The following AP2A2 variants were observed in gnomAD, a reference collection of about 807,000 sequenced individuals.
AP2A2 encodes the protein adaptor related protein complex 2 subunit alpha 2.
Under a neutral mutation model 104.2 loss-of-function variants are expected in AP2A2, and 32 were observed. That is an observed-to-expected ratio of 0.31 (90% CI 0.23 to 0.41). The LOEUF (loss-of-function observed/expected upper bound fraction) is 0.41, where lower values mean the gene tolerates loss of function less well. Among genes scored for constraint, AP2A2 ranks in the 10% least tolerant of loss-of-function variants. The probability of loss-of-function intolerance (pLI) is 1.00; values close to 1 mark genes in which losing one functional copy is unlikely to be tolerated. For synonymous variants in AP2A2, 539 were observed against 533.3 expected (o/e 1.01, Z -0.15); for missense variants, 912 against 1,261.0 (o/e 0.72, Z 4.19).
intron 1 of AP2A2, among the ~76,000 whole-genome samples, chr11:943,848 G>GT (rs1853739620): frequency 6.6e-6 from 1 of 150,812 alleles, no homozygotes; most frequent in Admixed American, 6.6e-5. Context: ...GGAGATGCAG[G>GT]TGGCAGCGGA....
intron 14 of AP2A2, among the ~76,000 whole-genome samples, chr11:999,225 C>T (rs1855950067): frequency 6.6e-6 from 1 of 152,106 alleles, no homozygotes. Flanking sequence ...GTGCCTTTGC[C>T]CCAGGATCAA....
At chr11:966,933 C>A (rs1251121943) in intron 2 of AP2A2, among the ~76,000 whole-genome samples, 2 of 152,130 alleles carry the variant, frequency 1.3e-5, no homozygotes, top group Admixed American at 1.3e-4. Flanking sequence ...CTTTAGGAGG[C>A]CGAGGAGGGC....
intron 9 of AP2A2, among the ~76,000 whole-genome samples, chr11:987,477 G>A (rs1391742464): frequency 1.3e-5 from 2 of 151,780 alleles, no homozygotes; most frequent in Non-Finnish European, 2.9e-5. Context: ...GTGAAACCCC[G>A]TCTTTACTAA....
intron 2 of AP2A2, among the ~76,000 whole-genome samples, chr11:961,459 G>A (rs989855089): frequency 2.1e-5 from 3 of 143,970 alleles, no homozygotes; most frequent in African/African-American, 7.8e-5. Context: ...GTCTGACAGA[G>A]TCGCCACCAC....
intron 10 of AP2A2, among the ~76,000 whole-genome samples, chr11:988,997 A>C (rs916984205): frequency 2.6e-5 from 4 of 152,096 alleles, no homozygotes; most frequent in Non-Finnish European, 2.9e-5. Flanking sequence ...CCTGTCTTAA[A>C]AAAAAATCAG....
At chr11:981,330 G>C (rs1055341410) in intron 6 of AP2A2, 31 bp downstream of exon 6, 18 of 1,524,378 alleles carry the variant, frequency 1.2e-5, no homozygotes, top group Non-Finnish European at 1.6e-5. Context: ...GCAGAAGTCA[G>C]GGTGGGTTTT....
At chr11:927,838 AAAG>A (rs1853169018) in intron 1 of AP2A2, among the ~76,000 whole-genome samples, 1 of 151,390 alleles carries the variant, frequency 6.6e-6, no homozygotes, top group African/African-American at 2.4e-5. Context: ...AAAAAAAAAA[AAAG>A]GCTTAGAAAC....
Position 1,008,099 on chromosome 11 carries a change from A to G in AP2A2, c.2384A>G (p.Asp795Gly). Residue 795 changes from aspartate (D) to glycine (G), a missense_variant, in exon 18 of 22, where the codon GAC becomes GGC. By Grantham distance (94) the Asp-to-Gly change is moderately conservative. Around this residue, in one of 7 missense-constraint regions of AP2A2, gnomAD observed 239 missense variants for 329.8 expected, o/e 0.72. Coordinates refer to ENST00000448903, the MANE Select transcript of AP2A2 (RefSeq NM_012305.4). The part of the protein sequence containing the change: ...QQVVNIECVS[D>G]FTEAPVLNIQ... Reference sequence around the variant, plus strand: ...GTGGTCAACATAGAGTGCGTGTCCGACTTCACGGAGGCGCCAGTCCTCAAC... The same window carrying G: ...GTGGTCAACATAGAGTGCGTGTCCGGCTTCACGGAGGCGCCAGTCCTCAAC... The G allele has an allele frequency of 6.2e-7, 1 of 1,605,350 alleles. No individual in the cohort carries two copies. The highest frequency in any genetic ancestry group is 1.7e-5 in the Admixed American group (1 of 59,192).
intron 14 of AP2A2, 94 bp from the exon 15 acceptor site, chr11:1,000,338 G>C: frequency 7.8e-7 from 1 of 1,277,102 alleles, no homozygotes. Flanking sequence ...GATGCCAAGG[G>C]GGTGCCATGG....
chr11:977,134 C>T lies in AP2A2; in HGVS notation c.513C>T (p.Cys171=), dbSNP rs373655031. Residue 171 remains cysteine, a synonymous_variant, in exon 5 of 22, where the codon TGC becomes TGT. Coordinates refer to ENST00000448903, the MANE Select transcript of AP2A2 (RefSeq NM_012305.4). ...GCGTGAAGCAGAGCGCGGCCCTGTG[C>T]TTGCTGCGCCTGTACAGGACGTCCC... ...MDSVKQSAAL[C]LLRLYRTSPD... is the part of the protein sequence containing the mutation. 2.4e-5 allele frequency: 38 copies of T among 1,613,694 alleles called. No homozygotes were observed. The African/African-American group carries it at 4.8e-4, about 20-fold the overall frequency.
intron 2 of AP2A2, among the ~76,000 whole-genome samples, chr11:965,520 A>G (rs1352513917): frequency 6.6e-6 from 1 of 152,186 alleles, no homozygotes; most frequent in Non-Finnish European, 1.5e-5. Context: ...TGTGTGGAGA[A>G]AAGTGTTCAT....
At position 1,006,700 on chromosome 11, in the gene AP2A2, T is replaced by C. The variant is rs764594653; in HGVS notation, c.2296+83T>C. ...GGCTTTTGAGGAAGTTTTTTGGTTT[T>C]CTTATTTTGTTAAAATAGCGAGATA... On this transcript the variant is annotated intron_variant, in intron 17 of 21. Transcript: ENST00000448903. 2.7e-4 allele frequency: 290 copies of C among 1,069,128 alleles called. 1 individual carries two copies. The highest frequency in any genetic ancestry group is 3.6e-4 in the Non-Finnish European group (260 of 713,072). 66.2% of individuals were successfully genotyped at this position (1,069,128 alleles called of 1,614,324 possible). A position where few individuals can be genotyped will look rare whatever the true frequency, so the allele number is the denominator to read the frequency against.
intron 1 of AP2A2, among the ~76,000 whole-genome samples, chr11:937,651 A>G (rs1478573033): frequency 2.6e-5 from 4 of 152,208 alleles, no homozygotes; most frequent in Admixed American, 6.5e-5. Context: ...GGGCAAAACC[A>G]TCTAACACAA....
intron 1 of AP2A2, among the ~76,000 whole-genome samples, chr11:952,415 C>G (rs542034994): frequency 6.6e-6 from 1 of 152,180 alleles, no homozygotes; most frequent in African/African-American, 2.4e-5. Flanking sequence ...TGTAAAAATT[C>G]AAGAGCTTTT....
intron 1 of AP2A2, among the ~76,000 whole-genome samples, chr11:953,802 C>T (rs997945655): frequency 7.3e-5 from 11 of 151,376 alleles, no homozygotes; most frequent in African/African-American, 1.7e-4. Flanking sequence ...CAGGTCTGGC[C>T]GAGACGTGAC....
chr11:1,008,047 G>A lies in AP2A2; in HGVS notation c.2332G>A (p.Val778Met), dbSNP rs1361224575. ...NLQTKPVDPT[V>M]EGGAQVQQVV... ...GCAGACCAAGCCCGTGGACCCGACC[G>A]TGGAGGGGGGCGCGCAGGTGCAGCA... Residue 778 changes from valine to methionine, a missense_variant, in exon 18 of 22, where the codon GTG becomes ATG. By Grantham distance (21) the Val-to-Met change is conservative. Coordinates refer to ENST00000448903, the MANE Select transcript of AP2A2 (RefSeq NM_012305.4). 17 of 1,574,702 alleles carry A rather than the reference G, an allele frequency of 1.1e-5. No individual in the cohort carries two copies. Among genetic ancestry groups the A allele is most frequent in the Middle Eastern group, 1.7e-4 (1 of 6,022 alleles).
At chr11:964,011 T>C (rs1043233142) in intron 2 of AP2A2, among the ~76,000 whole-genome samples, 1 of 152,172 alleles carries the variant, frequency 6.6e-6, no homozygotes, top group Admixed American at 6.5e-5. Flanking sequence ...AACAGAGGCG[T>C]CAGCCAGGAT....
chr11:1,009,380 G>C lies in AP2A2; in HGVS notation c.2590G>C (p.Glu864Gln). 1 of 1,613,508 alleles carries C rather than the reference G, an allele frequency of 6.2e-7. No homozygotes were observed. Among genetic ancestry groups the C allele is most frequent in the Non-Finnish European group, 8.5e-7 (1 of 1,179,736 alleles). ...CAAAGCAAAGCACCCAATGGACACAGAAGTCACCAAAGCCAAGGTAACACG... is the reference window on the plus strand; with the variant it reads ...CAAAGCAAAGCACCCAATGGACACACAAGTCACCAAAGCCAAGGTAACACG... ...IFKAKHPMDT[E>Q]VTKAKIIGFG... The change falls in exon 20 of 22, where the codon GAA (glutamate) becomes CAA (glutamine). Residue 864 changes from glutamate (E) to glutamine (Q), a missense_variant. By Grantham distance (29) the Glu-to-Gln change is conservative. Transcript: ENST00000448903.
At chr11:997,404 A>G (rs1855890344) in intron 14 of AP2A2, among the ~76,000 whole-genome samples, 1 of 152,106 alleles carries the variant, frequency 6.6e-6, no homozygotes, top group Non-Finnish European at 1.5e-5. Flanking sequence ...GAGGAGGTGA[A>G]CTGGTGTGGC....
Sources: gnomAD v4.1 joint callset for allele counts (sites outside exome capture counted in the v4.1 genomes callset) on GRCh38, gnomAD v4.1.1 for gene constraint, gnomAD v4.1.1 regional missense constraint, MANE v1.5 for transcripts, NCBI Gene and HGNC (gene_info 2026-07-23, HGNC 2026-07-21) for gene names.